Variants in P2RX5 observed in about 807,000 individuals in gnomAD.
P2RX5 encodes purinergic receptor P2X 5.
In P2RX5, 46 loss-of-function variants were observed where a neutral mutation model predicts 54.1. The ratio of observed to expected loss-of-function variants is 0.85; its 90% CI spans 0.67 to 1.09. The LOEUF is 1.09. Among genes scored for constraint, P2RX5 ranks in the 50% least tolerant of loss-of-function variants. The pLI is 0.00. For missense variants in P2RX5, 566 were observed against 549.8 expected (o/e 1.03, Z -0.29); for synonymous variants, 226 against 226.4 (o/e 1.00, Z 0.02).
chr17:3,719,758 C>T, the P2RX5 span, among the ~76,000 whole-genome samples: 3 of 132,514 alleles, frequency 2.3e-5, no homozygotes, highest in African/African-American at 8.7e-5. Context: ...GACTGAGTCT[C>T]ACTCTATCAC....
chr17:3,709,696 C>T, the P2RX5 span, among the ~76,000 whole-genome samples: 1 of 151,936 alleles, frequency 6.6e-6, no homozygotes, highest in African/African-American at 2.4e-5. Context: ...GGGTGGATCA[C>T]GAGGTCAGGA....
intron 1 of P2RX5, among the ~76,000 whole-genome samples, chr17:3,695,393 C>T (rs1354631291): frequency 6.6e-6 from 1 of 152,106 alleles, no homozygotes; most frequent in Non-Finnish European, 1.5e-5. Flanking sequence ...AGCTCAGGAA[C>T]ATGCCGGGCT....
chr17:3,691,806 G>A lies in P2RX5; in HGVS notation c.138-12C>T. The A allele has an allele frequency of 1.9e-6, 3 of 1,614,054 alleles. No homozygotes were observed. The highest frequency in any genetic ancestry group is 2.5e-6 in the Non-Finnish European group (3 of 1,179,992). ...TCAGGAACACCCATCTGTGGGAAGG[G>A]GGCCGGTACGTGGGCATCAGCCACT... On this transcript the variant is annotated splice_polypyrimidine_tract_variant and intron_variant, in intron 1 of 11. Coordinates refer to ENST00000225328, the MANE Select transcript of P2RX5 (RefSeq NM_002561.4).
In P2RX5 at chr17:3,688,882, G is replaced by A. The variant is rs1022959262; in HGVS notation, c.754-123C>T. ...TGCTCAGGCACGAGGTCAGCCCCTC[G>A]AGACCACCCTCCAGGAGGCTTAGTC... On this transcript the variant is annotated intron_variant, in intron 7 of 11. Coordinates refer to ENST00000225328, the MANE Select transcript of P2RX5 (RefSeq NM_002561.4). 1.1e-4 allele frequency: 114 copies of A among 1,050,826 alleles called. 1 individual carries two copies. The South Asian group carries it at 1.2e-3, about 11-fold the overall frequency. 65.1% of individuals were successfully genotyped at this position (1,050,826 alleles called of 1,614,324 possible). A position where few individuals can be genotyped will look rare whatever the true frequency, so the allele number is the denominator to read the frequency against.
chr17:3,699,922 GAAAGAAAGAAAGAAA>G (rs2050806242), upstream of P2RX5, among the ~76,000 whole-genome samples: 50 of 64,330 alleles, frequency 7.8e-4, no homozygotes, highest in African/African-American at 1.4e-3. Flanking sequence ...AGGAAGGAAA[GAAAGAAAGAAAGAAA>G]GAAAGAAAGA....
upstream of P2RX5, among the ~76,000 whole-genome samples, chr17:3,699,233 A>C (rs1443635920): frequency 2.0e-5 from 3 of 152,056 alleles, no homozygotes; most frequent in African/African-American, 7.2e-5. Flanking sequence ...CCTTCTATAC[A>C]AAAAATAAAA....
the P2RX5 span, among the ~76,000 whole-genome samples, chr17:3,715,957 C>T: frequency 3.3e-5 from 5 of 152,046 alleles, no homozygotes; most frequent in African/African-American, 9.7e-5. Context: ...GAGTTTGAGA[C>T]CAGCCTGGCC....
At chr17:3,709,933 A>C in the P2RX5 span, among the ~76,000 whole-genome samples, 1 of 152,012 alleles carries the variant, frequency 6.6e-6, no homozygotes, top group Admixed American at 6.6e-5. Context: ...GAAAAACAAA[A>C]CAAAACAAAC....
the P2RX5 span, chr17:3,723,307 G>A: frequency 8.1e-6 from 13 of 1,612,332 alleles, no homozygotes; most frequent in Admixed American, 6.7e-5. Context: ...GTGATCCCAG[G>A]AGATCTCTGC....
intron 1 of P2RX5, among the ~76,000 whole-genome samples, chr17:3,695,322 C>A (rs1291637185): frequency 6.6e-6 from 1 of 152,170 alleles, no homozygotes; most frequent in African/African-American, 2.4e-5. Context: ...GGCCTCTGGG[C>A]AGGACCCCCA....
At chr17:3,676,143 C>G (rs536286110) in intron 11 of P2RX5, 52 of 985,326 alleles carry the variant, frequency 5.3e-5, no homozygotes, top group East Asian at 2.3e-4. Flanking sequence ...CCAGGTGGCT[C>G]GGGCAATGGC....
intron 10 of P2RX5, 148 bp downstream of exon 10, chr17:3,681,748 G>A (rs1448857068): frequency 5.7e-6 from 4 of 696,026 alleles, no homozygotes; most frequent in African/African-American, 3.5e-5. Context: ...GTTCTGTAGA[G>A]CATGTACTCA....
chr17:3,679,947 C>G (rs1008371668), intron 10 of P2RX5, among the ~76,000 whole-genome samples, 163 bp from the exon 11 acceptor site: 2 of 151,638 alleles, frequency 1.3e-5, no homozygotes, highest in African/African-American at 2.4e-5. Context: ...TCCCTCCACC[C>G]TGCATCCTCC....
At chr17:3,678,183 G>A (rs1453743599) in intron 11 of P2RX5, 1 of 861,562 alleles carries the variant, frequency 1.2e-6, no homozygotes, top group Non-Finnish European at 1.4e-6. Context: ...GGACTGTCGG[G>A]AGCCGGTGGG....
At position 3,690,690 on chromosome 17, in the gene P2RX5, G is replaced by A. The variant is rs371892150; in HGVS notation, c.361-10C>T. 10 of 1,612,634 alleles carry A rather than the reference G, an allele frequency of 6.2e-6. No individual in the cohort carries two copies. The highest frequency in any genetic ancestry group is 3.3e-4 in the Middle Eastern group (2 of 6,084). Reference sequence around the variant, plus strand: ...CAGGAATGCCTTCATTCTGCCAGGAGAGAAGGGGCACCTGGATGGGGGGGT... The same window carrying A: ...CAGGAATGCCTTCATTCTGCCAGGAAAGAAGGGGCACCTGGATGGGGGGGT... On this transcript the variant is annotated splice_polypyrimidine_tract_variant and intron_variant, in intron 3 of 11. Transcript: ENST00000225328.
chr17:3,683,487 C>T (rs1358134996), intron 9 of P2RX5, among the ~76,000 whole-genome samples: 1 of 152,162 alleles, frequency 6.6e-6, no homozygotes, highest in Admixed American at 6.5e-5. Context: ...GATCCCAGCA[C>T]TGGGAGGCCG....
At chr17:3,701,050 T>C (rs1597281365), upstream of P2RX5, among the ~76,000 whole-genome samples, 1 of 152,298 alleles carries the variant, frequency 6.6e-6, no homozygotes, top group Non-Finnish European at 1.5e-5. Context: ...GTAATGAGTA[T>C]AATCCCTTCC....
the P2RX5 span, chr17:3,716,790 G>A: frequency 3.4e-5 from 54 of 1,569,508 alleles, no homozygotes; most frequent in South Asian, 1.0e-4. Flanking sequence ...TCAGGAAGAC[G>A]ACAGTGATCT....
At chr17:3,711,440 T>A in the P2RX5 span, among the ~76,000 whole-genome samples, 1 of 129,438 alleles carries the variant, frequency 7.7e-6, no homozygotes, top group Non-Finnish European at 1.5e-5. Context: ...TGGAGTGCAG[T>A]GGCGCGATCT....
Sources: allele counts gnomAD v4.1 joint callset (sites outside exome capture counted in the v4.1 genomes callset), GRCh38; gene constraint gnomAD v4.1.1; transcripts MANE v1.5; gene names NCBI Gene and HGNC (gene_info 2026-07-23, HGNC 2026-07-21).